The following CIP2A variants were observed in gnomAD, a reference collection of about 807,000 sequenced individuals.
CIP2A encodes the protein cellular inhibitor of PP2A.
In CIP2A, 103 loss-of-function variants were observed where a neutral mutation model predicts 110.9. The ratio of observed to expected loss-of-function variants is 0.93; its 90% CI spans 0.79 to 1.09. The LOEUF (loss-of-function observed/expected upper bound fraction) is 1.09. Among genes scored for constraint, CIP2A ranks in the 50% least tolerant of loss-of-function variants. CIP2A has a pLI of 0.00. For missense variants in CIP2A, 1,088 were observed against 1,038.4 expected (o/e 1.05, Z -0.66); for synonymous variants, 381 against 361.6 (o/e 1.05, Z -0.61).
intron 3 of CIP2A, among the ~76,000 whole-genome samples, 197 bp from the exon 4 acceptor site, chr3:108,582,399 C>A (rs1938913099): frequency 6.6e-6 from 1 of 152,174 alleles, no homozygotes; most frequent in Non-Finnish European, 1.5e-5. Context: ...TGTCTCAGAG[C>A]ATGGTTATCA....
At chr3:108,553,845 G>A (rs1937677809) in intron 18 of CIP2A, 115 bp from the exon 19 acceptor site, 1 of 353,200 alleles carries the variant, frequency 2.8e-6, no homozygotes, top group Non-Finnish European at 4.6e-6. Context: ...AAGGTCAGGA[G>A]ATCGAGACCA....
chr3:108,575,543 T>C (rs543790178), intron 8 of CIP2A, among the ~76,000 whole-genome samples: 3 of 150,762 alleles, frequency 2.0e-5, no homozygotes, highest in South Asian at 2.1e-4. Flanking sequence ...TATATACTCA[T>C]ATACATGTGT....
At chr3:108,579,756 C>A in intron 5 of CIP2A, 68 bp from the exon 6 acceptor site, 1 of 1,018,252 alleles carries the variant, frequency 9.8e-7, no homozygotes. Flanking sequence ...AAAAGTATAT[C>A]TTGCACAGAG....
At chr3:108,559,607 AG>A (rs2107319722) in intron 16 of CIP2A, 149 bp downstream of exon 16, 1 of 455,382 alleles carries the variant, frequency 2.2e-6, no homozygotes, top group East Asian at 3.3e-5. Context: ...CCAAAATTAA[AG>A]AGGACAGAAT....
At chr3:108,586,328 G>A (rs112556001) in intron 1 of CIP2A, among the ~76,000 whole-genome samples, 42 of 151,966 alleles carry the variant, frequency 2.8e-4, no homozygotes, top group Middle Eastern at 3.4e-3. Context: ...CAGATATTCT[G>A]GGGTAGGAAA....
chr3:108,575,447 C>G (rs1938557831), intron 8 of CIP2A, among the ~76,000 whole-genome samples: 1 of 148,348 alleles, frequency 6.7e-6, no homozygotes, highest in Non-Finnish European at 1.5e-5. Flanking sequence ...TACATATATA[C>G]ATATACATGT....
chr3:108,569,962 A>G (rs1032177556), intron 8 of CIP2A, among the ~76,000 whole-genome samples: 1 of 152,110 alleles, frequency 6.6e-6, no homozygotes, highest in Non-Finnish European at 1.5e-5. Context: ...ATAAAATTAG[A>G]ATTAGTAATA....
chr3:108,576,652 A>AT, intron 7 of CIP2A, among the ~76,000 whole-genome samples: 1 of 152,244 alleles, frequency 6.6e-6, no homozygotes, highest in African/African-American at 2.4e-5. Flanking sequence ...CAATTGCTCT[A>AT]TTTTTTTAAG....
chr3:108,565,192 C>T (rs1484693048), intron 12 of CIP2A, among the ~76,000 whole-genome samples, 163 bp downstream of exon 12: 1 of 151,874 alleles, frequency 6.6e-6, no homozygotes, highest in East Asian at 1.9e-4. Flanking sequence ...AATAACTGTG[C>T]AGTGAGACTA....
Position 108,568,190 on chromosome 3 carries a change from C to A in CIP2A, c.1238G>T (p.Cys413Phe). ...NLDEALTRKK[C>F]ERIAKAIEVL... is the part of the protein sequence containing the mutation. ...TTCAATGGCCTTGGCAATCCTTTCACATTTTTTTCTTGTTAAAGCCTCATC... is the reference window on the plus strand; with the variant it reads ...TTCAATGGCCTTGGCAATCCTTTCAAATTTTTTTCTTGTTAAAGCCTCATC... The change falls in exon 10 of 21, where the codon TGT becomes TTT. Residue 413 changes from cysteine (C) to phenylalanine (F), a missense_variant. Cys to Phe is a radical substitution (Grantham distance 205, BLOSUM62 -2). Coordinates refer to ENST00000295746, the MANE Select transcript of CIP2A (RefSeq NM_020890.3). 6.2e-7 allele frequency: 1 copy of A among 1,612,164 alleles called. No homozygotes were observed. Among genetic ancestry groups the A allele is most frequent in the Non-Finnish European group, 8.5e-7 (1 of 1,178,706 alleles).
intron 8 of CIP2A, among the ~76,000 whole-genome samples, chr3:108,575,271 TACACACACACGTGTACGTACAC>T (rs1217814625): frequency 3.3e-5 from 5 of 151,458 alleles, no homozygotes; most frequent in African/African-American, 4.9e-5. Context: ...CATGTGTATA[TACACACACACGTGTACGTACAC>T]ACACGTGTAC....
intron 7 of CIP2A, among the ~76,000 whole-genome samples, 190 bp from the exon 8 acceptor site, chr3:108,576,536 A>T (rs1938659359): frequency 6.6e-6 from 1 of 152,216 alleles, no homozygotes; most frequent in African/African-American, 2.4e-5. Flanking sequence ...GATATACATA[A>T]ATTGGCTGTG....
At chr3:108,559,639 C>T (rs909120011) in intron 16 of CIP2A, 118 bp downstream of exon 16, 1 of 487,684 alleles carries the variant, frequency 2.1e-6, no homozygotes, top group Non-Finnish European at 3.5e-6. Context: ...AGGAAGGAGG[C>T]ATGTCAAATG....
rs1370912148 is a variant in CIP2A, at chr3:108,550,433, A to T, written c.*716T>A. ...CTGGACCACTATGCAACATTTGAAA[A>T]AAGAGAAAAAAACACTAAATATACC... On this transcript the variant is annotated 3_prime_UTR_variant, in exon 21 of 21. Transcript: ENST00000295746. The T allele has an allele frequency of 6.6e-6, 1 of 151,522 alleles. No homozygotes were observed. The highest frequency in any genetic ancestry group is 1.5e-5 in the Non-Finnish European group (1 of 67,690). The allele number at this position is 151,522 out of a possible 1,614,324, so 9.4% of individuals were successfully genotyped here. A position where few individuals can be genotyped will look rare whatever the true frequency, so the allele number is the denominator to read the frequency against.
rs74943878 is a variant in CIP2A, at chr3:108,557,559, G to A, written c.2014-145C>T. 1,394 of 501,318 alleles carry A rather than the reference G, an allele frequency of 2.8e-3. 9 individuals carry two copies. Among genetic ancestry groups the A allele is most frequent in the African/African-American group, 0.024 (1,267 of 52,220 alleles). 31.1% of individuals were successfully genotyped at this position (501,318 alleles called of 1,614,324 possible). A position where few individuals can be genotyped will look rare whatever the true frequency, so the allele number is the denominator to read the frequency against. On this transcript the variant is annotated intron_variant, in intron 16 of 20. Coordinates refer to ENST00000295746, the MANE Select transcript of CIP2A (RefSeq NM_020890.3). Reference sequence around the variant, plus strand: ...AGCTGTATTAGTCACATATACTTAGGACTTTACTTCTAATAAGTTGGATAC... The same window carrying A: ...AGCTGTATTAGTCACATATACTTAGAACTTTACTTCTAATAAGTTGGATAC...
At position 108,569,433 on chromosome 3, in the gene CIP2A, T is replaced by G. The variant is rs1489596164; in HGVS notation, c.1069A>C (p.Asn357His). The G allele has an allele frequency of 2.5e-6, 4 of 1,612,602 alleles. No individual in the cohort carries two copies. The highest frequency in any genetic ancestry group is 3.4e-6 in the Non-Finnish European group (4 of 1,179,186). ...WLSQPLDGSE[N>H]CSVLALELFK... ...AACTCCAATGCTAAAACAGAACAGT[T>G]TTCTGATCCGTCCAAAGGTTGGCTT... Residue 357 changes from asparagine (N) to histidine (H), a missense_variant, in exon 9 of 21, where the codon AAC (asparagine) becomes CAC (histidine). Asn to His is a moderately conservative substitution (Grantham distance 68, BLOSUM62 1). Transcript: ENST00000295746.
At chr3:108,587,253 C>T (rs1468767811) in intron 1 of CIP2A, among the ~76,000 whole-genome samples, 1 of 152,064 alleles carries the variant, frequency 6.6e-6, no homozygotes, top group Non-Finnish European at 1.5e-5. Flanking sequence ...CTTAATTCCA[C>T]CCAGAAATGT....
At chr3:108,586,927 A>ATC (rs1431557317) in intron 1 of CIP2A, among the ~76,000 whole-genome samples, 3 of 152,238 alleles carry the variant, frequency 2.0e-5, no homozygotes, top group Non-Finnish European at 4.4e-5. Flanking sequence ...CATGATACCC[A>ATC]TCTCTCTTTG....
At chr3:108,551,847 T>G (rs1937605208) in intron 20 of CIP2A, among the ~76,000 whole-genome samples, 1 of 152,118 alleles carries the variant, frequency 6.6e-6, no homozygotes, top group African/African-American at 2.4e-5. Flanking sequence ...ATTCACTTAT[T>G]AGCTGTGTGA....
Sources: gnomAD v4.1 joint callset for allele counts (sites outside exome capture counted in the v4.1 genomes callset) on GRCh38, gnomAD v4.1.1 for gene constraint, MANE v1.5 for transcripts, NCBI Gene and HGNC (gene_info 2026-07-23, HGNC 2026-07-21) for gene names.